Variants in PARD3B observed in about 807,000 individuals in gnomAD.
The protein encoded by PARD3B is par-3 family cell polarity regulator beta.
In PARD3B, 103 loss-of-function variants were observed where a neutral mutation model predicts 130.2. That is an observed-to-expected ratio of 0.79 (90% CI 0.67 to 0.93). The LOEUF is 0.93. PARD3B is among the 40% of genes least tolerant of loss of function. The pLI, the probability that PARD3B is intolerant of heterozygous loss-of-function variation, is 0.00. For missense variants in PARD3B, 1,609 were observed against 1,499.2 expected (o/e 1.07, Z -1.21); for synonymous variants, 583 against 553.2 (o/e 1.05, Z -0.76).
intron 1 of PARD3B, among the ~76,000 whole-genome samples, chr2:204,671,293 A>G (rs886314798): frequency 6.6e-6 from 1 of 152,026 alleles, no homozygotes; most frequent in East Asian, 1.9e-4. Flanking sequence ...TAGAGTCTGG[A>G]TCTTGCTCTT....
At position 204,953,449 on chromosome 2, in the gene PARD3B, A is replaced by AGAGAGAGAGAGG. The variant is rs1373075351; in HGVS notation, c.223-11692_223-11691insGGAGAGAGAGAG. 7.9e-4 allele frequency among the ~76,000 whole-genome samples: 118 copies of AGAGAGAGAGAGG among 150,058 alleles called. 1 individual carries two copies. The highest frequency in any genetic ancestry group is 7.6e-4 in the African/African-American group (31 of 40,608). On this transcript the variant is annotated intron_variant, in intron 2 of 22. Coordinates refer to ENST00000406610, the MANE Select transcript of PARD3B (RefSeq NM_001302769.2). ...GAGAGAGAGAGAGAGAGAGAGAGAG[A>AGAGAGAGAGAGG]GAGAGAGAGAGAGAGAGAAGGCTGG...
intron 18 of PARD3B, among the ~76,000 whole-genome samples, chr2:205,337,410 A>G (rs2043353270): frequency 1.3e-5 from 2 of 152,208 alleles, no homozygotes; most frequent in Admixed American, 1.3e-4. Context: ...TTCCAATTCA[A>G]TATTTATATC....
intron 11 of PARD3B, among the ~76,000 whole-genome samples, chr2:205,168,325 G>GTT (rs2034950579): frequency 1.3e-5 from 2 of 151,700 alleles, no homozygotes; most frequent in African/African-American, 4.8e-5. Context: ...GAGAGAGTGT[G>GTT]TGTGTGTGAA....
rs2054345352 is a variant in PARD3B at position 205,590,453 on chromosome 2, A to G, written c.3261-25003A>G. On this transcript the variant is annotated intron_variant, in intron 22 of 22. Transcript: ENST00000406610. This position sits in a 1 kb window ranked among gnomAD's most constrained non-coding sequence, Gnocchi z 4.1. The stretch of plus-strand genomic sequence containing the variant: ...CATTTTCCACAGAAGTCCTAGGATC[A>G]TCTCAGGTTGCTTTTATCGCGGTAT... 6.6e-6 allele frequency among the ~76,000 whole-genome samples: 1 copy of G among 152,216 alleles called. No homozygotes were observed.
intron 22 of PARD3B, among the ~76,000 whole-genome samples, chr2:205,567,460 G>A (rs942127301): frequency 2.0e-5 from 3 of 146,776 alleles, no homozygotes; most frequent in African/African-American, 7.5e-5. Context: ...GACTACAGGT[G>A]CCTGCCACCA....
intron 2 of PARD3B, among the ~76,000 whole-genome samples, chr2:204,719,140 T>C (rs185198822): frequency 1.3e-5 from 2 of 152,366 alleles, no homozygotes; most frequent in Non-Finnish European, 2.9e-5. Flanking sequence ...TCATTCTTAA[T>C]ATATGGCTTC....
intron 2 of PARD3B, among the ~76,000 whole-genome samples, chr2:204,927,486 A>G (rs907983588): frequency 6.6e-6 from 1 of 152,124 alleles, no homozygotes; most frequent in Non-Finnish European, 1.5e-5. Flanking sequence ...AAATAAATTT[A>G]TGTTGTTCCT....
intron 4 of PARD3B, among the ~76,000 whole-genome samples, chr2:205,100,934 A>G (rs1454630223): frequency 1.3e-5 from 2 of 152,204 alleles, no homozygotes; most frequent in East Asian, 3.9e-4. Flanking sequence ...ATATTAGGCA[A>G]TGTTTCTTAG....
intron 2 of PARD3B, among the ~76,000 whole-genome samples, chr2:204,942,303 C>G (rs762381928): frequency 6.6e-6 from 1 of 152,090 alleles, no homozygotes; most frequent in Non-Finnish European, 1.5e-5. Flanking sequence ...ATTAAGATGT[C>G]AAGTCAAAAT....
rs1702103526 is a variant in PARD3B, at chr2:205,091,442, G to C, written c.505-12984G>C. 6.6e-6 allele frequency among the ~76,000 whole-genome samples: 1 copy of C among 152,136 alleles called. No homozygotes were observed. Among genetic ancestry groups the C allele is most frequent in the Admixed American group, 6.6e-5 (1 of 15,266 alleles). On this transcript the variant is annotated intron_variant, in intron 4 of 22. Coordinates refer to ENST00000406610, the MANE Select transcript of PARD3B (RefSeq NM_001302769.2). This position sits in a 1 kb window ranked among gnomAD's most constrained non-coding sequence, Gnocchi z 4.2. ...TGCACCTTCTCGGGGAAATAGATGA[G>C]GAGGGTGGCCATTAGAATATCCTCC...
At chr2:204,782,170 C>T (rs1443509446) in intron 2 of PARD3B, among the ~76,000 whole-genome samples, 1 of 152,028 alleles carries the variant, frequency 6.6e-6, no homozygotes, top group African/African-American at 2.4e-5. Flanking sequence ...CCTAATTATC[C>T]AAGAATCTTC....
chr2:204,746,156 AGT>A (rs1275580685), intron 2 of PARD3B, among the ~76,000 whole-genome samples: 3 of 108,152 alleles, frequency 2.8e-5, no homozygotes, highest in African/African-American at 1.1e-4. Context: ...AAGAGGCCCC[AGT>A]GTGTGATGTT....
intron 2 of PARD3B, among the ~76,000 whole-genome samples, chr2:204,840,388 T>C (rs2125586385): frequency 6.6e-6 from 1 of 152,300 alleles, no homozygotes; most frequent in Admixed American, 6.5e-5. Flanking sequence ...GGGGAATATC[T>C]CTACACTTCC....
chr2:204,989,312 T>C (rs1407260446), intron 3 of PARD3B, among the ~76,000 whole-genome samples: 1 of 151,412 alleles, frequency 6.6e-6, no homozygotes, highest in East Asian at 1.9e-4. Context: ...TAGGGAAAAA[T>C]TGGGAGAGAA....
chr2:205,184,131 T>A (rs1172321885), intron 13 of PARD3B, among the ~76,000 whole-genome samples: 3 of 152,174 alleles, frequency 2.0e-5, no homozygotes, highest in African/African-American at 7.2e-5. Context: ...GACAGTCTAC[T>A]TATTTAAATG....
intron 2 of PARD3B, among the ~76,000 whole-genome samples, chr2:204,703,855 A>C (rs2038010068): frequency 6.6e-6 from 1 of 152,170 alleles, no homozygotes; most frequent in Non-Finnish European, 1.5e-5. Context: ...ATTAGATGCC[A>C]CAATGTAGGG....
chr2:205,477,050 G>C (rs761331584), intron 20 of PARD3B, among the ~76,000 whole-genome samples: 2 of 152,186 alleles, frequency 1.3e-5, no homozygotes, highest in Non-Finnish European at 2.9e-5. Flanking sequence ...ACAAAATTCA[G>C]TAACTACATG....
rs544271474 is a variant in PARD3B at position 205,301,171 on chromosome 2, T to A, written c.2393-293T>A. Among the ~76,000 whole-genome samples the A allele has an allele frequency of 2.0e-5, 3 of 152,348 alleles. No individual in the cohort carries two copies. The highest frequency in any genetic ancestry group is 2.0e-4 in the Admixed American group (3 of 15,308). ...TTTGTTTCCCAGCATGCAGGCTTTC[T>A]GAGCTGATCAAGGTTAACAAGGCAG... On this transcript the variant is annotated intron_variant, in intron 17 of 22. Transcript: ENST00000406610. The surrounding 1 kb of genome is among the most constrained non-coding windows in gnomAD (Gnocchi z 5.2).
At chr2:204,553,670 A>T (rs1353009344) in intron 1 of PARD3B, among the ~76,000 whole-genome samples, 1 of 70,326 alleles carries the variant, frequency 1.4e-5, no homozygotes. Context: ...ATATATATAT[A>T]TATATATATA....
Sources: allele counts gnomAD v4.1 joint callset (sites outside exome capture counted in the v4.1 genomes callset), GRCh38; gene constraint gnomAD v4.1.1; non-coding constraint Gnocchi (gnomAD v3.1); transcripts MANE v1.5; gene names NCBI Gene and HGNC (gene_info 2026-07-23, HGNC 2026-07-21).